The following ADAMTS20 variants were observed in gnomAD, a reference collection of about 807,000 sequenced individuals.
The protein encoded by ADAMTS20 is A disintegrin and metalloproteinase with thrombospondin motifs 20.
A neutral mutation model predicts 260.1 loss-of-function variants in ADAMTS20; 225 were observed. The observed-to-expected ratio is 0.87, with a 90% confidence interval of 0.78 to 0.97. The LOEUF (loss-of-function observed/expected upper bound fraction) is 0.97, where lower values mean the gene tolerates loss of function less well. ADAMTS20 is among the 50% of genes least tolerant of loss of function. The pLI is 0.00. For synonymous variants in ADAMTS20, 802 were observed against 769.5 expected (o/e 1.04, Z -0.70); for missense variants, 2,400 against 2,337.7 (o/e 1.03, Z -0.55).
At chr12:43,481,924 G>C (rs1942447903) in intron 7 of ADAMTS20, among the ~76,000 whole-genome samples, 1 of 152,130 alleles carries the variant, frequency 6.6e-6, no homozygotes, top group Non-Finnish European at 1.5e-5. Flanking sequence ...TCATGAACCA[G>C]ACGGAAAATG....
Position 43,383,950 on chromosome 12 carries a change from G to A in ADAMTS20, c.4480C>T (p.Gln1494Ter). The change falls in exon 30 of 39, where the codon CAG (glutamine) becomes TAG (stop). Residue 1494 changes from glutamine to a stop codon, truncating the protein, a stop_gained. Transcript: ENST00000389420. LOFTEE classifies it high-confidence loss of function. ...ECSVTCGSGV[Q>*]QRDVYCRLKG... ...AGTCTGCAGTATACATCCCTCTGCT[G>A]AACTCCAGAGCCACAGGTCACAGAG... is the stretch of plus-strand genomic sequence containing the variant. The A allele has an allele frequency of 1.2e-6, 2 of 1,613,726 alleles. No homozygotes were observed. The highest frequency in any genetic ancestry group is 1.7e-6 in the Non-Finnish European group (2 of 1,179,788).
intron 15 of ADAMTS20, among the ~76,000 whole-genome samples, chr12:43,446,141 T>C (rs1941755909): frequency 6.6e-6 from 1 of 152,152 alleles, no homozygotes; most frequent in Non-Finnish European, 1.5e-5. Context: ...ACATTTTCTA[T>C]GTACTATTAA....
intron 10 of ADAMTS20, among the ~76,000 whole-genome samples, chr12:43,463,509 CAT>C (rs1427618924): frequency 1.3e-5 from 2 of 152,076 alleles, no homozygotes; most frequent in African/African-American, 2.4e-5. Flanking sequence ...CACAGAGAGT[CAT>C]ACGAGCTATA....
Position 43,445,066 on chromosome 12 carries a change from CTATT to C in ADAMTS20, c.2198-1187_2198-1184del, listed in dbSNP as rs545220820. Among the ~76,000 whole-genome samples, 35 of 152,138 alleles carry C rather than the reference CTATT, an allele frequency of 2.3e-4. No homozygotes were observed. The East Asian group carries it at 5.4e-3, about 23-fold the overall frequency. On this transcript the variant is annotated intron_variant, in intron 15 of 38. Coordinates refer to ENST00000389420, the MANE Select transcript of ADAMTS20 (RefSeq NM_025003.5). Reference sequence around the variant, plus strand: ...ACTACTTTTACTATTTATATCTTTACTATTTATTATATTTTTTTCAAGAAAGCAA... The same window carrying C: ...ACTACTTTTACTATTTATATCTTTACTATTATATTTTTTTCAAGAAAGCAA...
In ADAMTS20 at chr12:43,453,954, T is replaced by C; in HGVS notation, c.1713A>G (p.Thr571=). ...PWEPYSSCSR[T]CGGGIESATR... is the part of the protein sequence containing the mutation. ...TTGCACTTTCGATTCCGCCTCCACA[T>C]GTTCTTGAACAAGAACTGTAAGGTT... The change falls in exon 12 of 39, where the codon ACA becomes ACG. Residue 571 remains threonine, a synonymous_variant. Transcript: ENST00000389420. The C allele has an allele frequency of 4.3e-6, 7 of 1,612,818 alleles. No individual in the cohort carries two copies. The highest frequency in any genetic ancestry group is 5.9e-6 in the Non-Finnish European group (7 of 1,179,348).
chr12:43,394,600 GA>G (rs1940662092), intron 29 of ADAMTS20, among the ~76,000 whole-genome samples: 1 of 152,078 alleles, frequency 6.6e-6, no homozygotes, highest in South Asian at 2.1e-4. Context: ...GCACAACTTA[GA>G]AATTACATTT....
At chr12:43,361,462 G>A (rs1170558052) in intron 37 of ADAMTS20, among the ~76,000 whole-genome samples, 6 of 152,230 alleles carry the variant, frequency 3.9e-5, no homozygotes, top group Non-Finnish European at 2.9e-5. Flanking sequence ...GGAGCTTTGC[G>A]TTTCAGAAAT....
intron 3 of ADAMTS20, 70 bp downstream of exon 3, chr12:43,531,966 T>C: frequency 3.0e-6 from 3 of 994,052 alleles, no homozygotes; most frequent in Admixed American, 8.1e-5. Flanking sequence ...AATATATAAA[T>C]TATAACCTAT....
At chr12:43,384,492 T>C (rs1259423189) in intron 29 of ADAMTS20, among the ~76,000 whole-genome samples, 1 of 152,224 alleles carries the variant, frequency 6.6e-6, no homozygotes, top group East Asian at 1.9e-4. Flanking sequence ...CTGGGATACA[T>C]GTGCAGAACA....
intron 2 of ADAMTS20, among the ~76,000 whole-genome samples, chr12:43,546,069 A>G (rs1047524846): frequency 6.6e-6 from 1 of 152,232 alleles, no homozygotes; most frequent in Admixed American, 6.5e-5. Context: ...TAATAATCCA[A>G]GGCTATATTA....
At chr12:43,518,894 G>A (rs1943034781) in intron 3 of ADAMTS20, among the ~76,000 whole-genome samples, 2 of 150,380 alleles carry the variant, frequency 1.3e-5, no homozygotes, top group Admixed American at 1.3e-4. Flanking sequence ...CTGTCAGCTT[G>A]ACCATCAAAA....
At chr12:43,459,132 A>C (rs1460053319) in intron 11 of ADAMTS20, among the ~76,000 whole-genome samples, 1 of 152,056 alleles carries the variant, frequency 6.6e-6, no homozygotes, top group South Asian at 2.1e-4. Flanking sequence ...CTTCTGGTCC[A>C]TGTTTGTTAC....
intron 7 of ADAMTS20, among the ~76,000 whole-genome samples, chr12:43,486,587 T>G (rs577889636): frequency 6.6e-6 from 1 of 152,186 alleles, no homozygotes; most frequent in East Asian, 1.9e-4. Context: ...TGGAATCTGA[T>G]TAAATTCAAA....
At position 43,468,666 on chromosome 12, in the gene ADAMTS20, C is replaced by T; in HGVS notation, c.1157G>A (p.Ser386Asn). ...TCCTTTTTCTTCATTAATAAAGCAG[C>T]TTTGTAAAGGATCACATATGGTACC... Reference protein sequence around the residue: ...YLGTICDPLQSCFINEEKGLI... With the variant: ...YLGTICDPLQNCFINEEKGLI... Residue 386 changes from serine (S) to asparagine (N), a missense_variant, in exon 8 of 39, where the codon AGC becomes AAC. Physicochemically the swap from Ser to Asn is conservative, Grantham distance 46. Coordinates refer to ENST00000389420, the MANE Select transcript of ADAMTS20 (RefSeq NM_025003.5). The T allele has an allele frequency of 6.2e-7, 1 of 1,610,520 alleles. No homozygotes were observed.
At chr12:43,524,338 A>G (rs187443596) in intron 3 of ADAMTS20, among the ~76,000 whole-genome samples, 1 of 151,852 alleles carries the variant, frequency 6.6e-6, no homozygotes, top group Admixed American at 6.6e-5. Context: ...AAGATGGAAA[A>G]AAAGAAATTA....
At chr12:43,502,096 A>T in intron 4 of ADAMTS20, 56 bp downstream of exon 4, 1 of 1,452,124 alleles carries the variant, frequency 6.9e-7, no homozygotes. Flanking sequence ...GACATGAAAA[A>T]ATTTCATTAA....
intron 3 of ADAMTS20, among the ~76,000 whole-genome samples, chr12:43,509,101 G>T (rs1401144586): frequency 6.6e-6 from 1 of 151,938 alleles, no homozygotes; most frequent in Non-Finnish European, 1.5e-5. Flanking sequence ...CCTTTTTATG[G>T]CTGCATAGTA....
intron 4 of ADAMTS20, among the ~76,000 whole-genome samples, chr12:43,495,197 T>A (rs880877): frequency 0.33 from 50,089 of 151,980 alleles, 8,875 homozygotes; most frequent in East Asian, 0.75. Context: ...TGGAAAAAAA[T>A]TCCCAATATT....
intron 31 of ADAMTS20, among the ~76,000 whole-genome samples, chr12:43,381,925 C>T (rs989463660): frequency 6.6e-6 from 1 of 151,506 alleles, no homozygotes; most frequent in Non-Finnish European, 1.5e-5. Flanking sequence ...AAAATAGATA[C>T]CATTTCATAC....
Sources: allele counts gnomAD v4.1 joint callset (sites outside exome capture counted in the v4.1 genomes callset), GRCh38; gene constraint gnomAD v4.1.1; transcripts MANE v1.5; gene names NCBI Gene and HGNC (gene_info 2026-07-23, HGNC 2026-07-21).